CEP128: variants seen among roughly 807,000 people sequenced by gnomAD.
The protein encoded by CEP128 is centrosomal protein 128.
CEP128 carries 132 observed loss-of-function variants against 156.7 expected under a neutral mutation model. The ratio of observed to expected loss-of-function variants is 0.84; its 90% CI spans 0.73 to 0.97. The LOEUF is 0.97. Ranked by LOEUF, CEP128 falls within the 50% of genes least tolerant of loss-of-function variation. The pLI is 0.00. For synonymous variants in CEP128, 469 were observed against 448.9 expected, an observed-to-expected ratio of 1.04 and a Z score of -0.57; for missense variants, 1,252 against 1,281.9, an observed-to-expected ratio of 0.98 and a Z score of 0.36.
chr14:80,588,829 C>T (rs1052494402), intron 19 of CEP128, among the ~76,000 whole-genome samples: 21 of 152,044 alleles, frequency 1.4e-4, no homozygotes, highest in African/African-American at 5.1e-4. Flanking sequence ...GGGACTTTCA[C>T]TAAATTTTAG....
intron 23 of CEP128, among the ~76,000 whole-genome samples, chr14:80,522,402 G>A (rs1888786124): frequency 6.6e-6 from 1 of 152,120 alleles, no homozygotes; most frequent in Non-Finnish European, 1.5e-5. Context: ...CAGGGCTTTG[G>A]CAAACTCTGC....
chr14:80,848,224 C>A (rs964507295), intron 9 of CEP128, among the ~76,000 whole-genome samples: 1 of 152,168 alleles, frequency 6.6e-6, no homozygotes, highest in African/African-American at 2.4e-5. Context: ...AGCGCACAAA[C>A]CGTACAACTG....
intron 4 of CEP128, among the ~76,000 whole-genome samples, chr14:80,907,370 A>G (rs1036649065): frequency 1.3e-5 from 2 of 152,238 alleles, no homozygotes; most frequent in South Asian, 2.1e-4. Flanking sequence ...CCAGCCAGCT[A>G]TAAGATGCAG....
intron 9 of CEP128, among the ~76,000 whole-genome samples, chr14:80,845,295 A>T (rs1363681512): frequency 1.3e-5 from 2 of 152,188 alleles, no homozygotes; most frequent in Non-Finnish European, 2.9e-5. Context: ...CTAACATGCC[A>T]TTGCTTTTAC....
At chr14:80,721,021 G>A (rs1897798002) in intron 19 of CEP128, among the ~76,000 whole-genome samples, 2 of 152,004 alleles carry the variant, frequency 1.3e-5, no homozygotes, top group South Asian at 2.1e-4. Flanking sequence ...GTGCATAATC[G>A]TGTTATTCCC....
chr14:80,755,933 T>G (rs552732958), intron 18 of CEP128, among the ~76,000 whole-genome samples: 11 of 152,202 alleles, frequency 7.2e-5, no homozygotes, highest in Admixed American at 2.0e-4. Context: ...AAGGGAAAAC[T>G]GCTCACAAGC....
intron 1 of CEP128, among the ~76,000 whole-genome samples, chr14:80,958,551 A>C (rs1231131897): frequency 6.6e-6 from 1 of 152,146 alleles, no homozygotes; most frequent in African/African-American, 2.4e-5. Flanking sequence ...AGAAAGCAGG[A>C]GGTTAGCAGG....
At chr14:80,546,050 A>G (rs1367554870) in intron 21 of CEP128, among the ~76,000 whole-genome samples, 2 of 152,246 alleles carry the variant, frequency 1.3e-5, no homozygotes, top group Non-Finnish European at 2.9e-5. Flanking sequence ...TAAAATTAAC[A>G]TAACACAGAG....
chr14:80,534,477 T>A (rs1889384830), intron 21 of CEP128, among the ~76,000 whole-genome samples: 1 of 152,188 alleles, frequency 6.6e-6, no homozygotes, highest in East Asian at 1.9e-4. Context: ...GTTGGTTAAT[T>A]TTTTTCTGCC....
upstream of CEP128, chr14:80,945,532 C>T (rs1408546222): frequency 6.6e-6 from 1 of 152,150 alleles, no homozygotes; most frequent in Non-Finnish European, 1.5e-5. Flanking sequence ...CCCCTATAGC[C>T]TTGTTTATGT....
chr14:80,809,698 G>A (rs1163727508), intron 13 of CEP128, among the ~76,000 whole-genome samples: 3 of 152,014 alleles, frequency 2.0e-5, no homozygotes, highest in Non-Finnish European at 4.4e-5. Context: ...TACCAAGAGG[G>A]AATGGGAAGA....
At chr14:80,862,001 A>T (rs1336225784) in intron 9 of CEP128, among the ~76,000 whole-genome samples, 2 of 152,318 alleles carry the variant, frequency 1.3e-5, no homozygotes, top group Non-Finnish European at 2.9e-5. Flanking sequence ...TATGAATAAT[A>T]AGGGAATCTA....
intron 2 of CEP128, among the ~76,000 whole-genome samples, chr14:80,924,678 C>A (rs1745357305): frequency 6.6e-6 from 1 of 151,576 alleles, no homozygotes; most frequent in African/African-American, 2.4e-5. Context: ...GCTCTTGCAT[C>A]CTTCTACCAG....
chr14:80,729,883 G>A (rs1898199667), intron 19 of CEP128, among the ~76,000 whole-genome samples: 1 of 152,126 alleles, frequency 6.6e-6, no homozygotes, highest in Admixed American at 6.5e-5. Flanking sequence ...TGTGTTTAGG[G>A]AATATCTCAG....
chr14:80,790,294 G>GA (rs929085076), intron 14 of CEP128, among the ~76,000 whole-genome samples: 4 of 151,428 alleles, frequency 2.6e-5, no homozygotes, highest in Non-Finnish European at 2.9e-5. Flanking sequence ...AAAAGAATAT[G>GA]AAAAAAAATG....
intron 16 of CEP128, among the ~76,000 whole-genome samples, chr14:80,771,161 C>T (rs759862466): frequency 6.6e-6 from 1 of 152,134 alleles, no homozygotes; most frequent in Non-Finnish European, 1.5e-5. Flanking sequence ...CTAACAAAAT[C>T]ATTGACGACT....
chr14:80,641,138 C>T (rs1894391774), intron 19 of CEP128, among the ~76,000 whole-genome samples: 1 of 152,194 alleles, frequency 6.6e-6, no homozygotes, highest in African/African-American at 2.4e-5. Context: ...ATTTCTACTT[C>T]TCTCTGCATC....
At chr14:80,529,219 C>T (rs145299569) in intron 22 of CEP128, among the ~76,000 whole-genome samples, 48 of 152,306 alleles carry the variant, frequency 3.2e-4, no homozygotes, top group African/African-American at 1.1e-3. Context: ...GTATCATGCA[C>T]TGTGTGCATA....
chr14:80,672,307 C>CAAAAA (rs11323956), intron 19 of CEP128, among the ~76,000 whole-genome samples: 1 of 145,300 alleles, frequency 6.9e-6, no homozygotes. Flanking sequence ...CCTAATAAGC[C>CAAAAA]AAAAAAAAAA....
Sources: allele counts gnomAD v4.1 joint callset (sites outside exome capture counted in the v4.1 genomes callset), GRCh38; gene constraint gnomAD v4.1.1; transcripts MANE v1.5; gene names NCBI Gene and HGNC (gene_info 2026-07-23, HGNC 2026-07-21).